The following CSMD3 variants were observed in gnomAD, a reference collection of about 807,000 sequenced individuals.
CSMD3 encodes CUB and sushi domain-containing protein 3.
A neutral mutation model predicts 435.2 loss-of-function variants in CSMD3; 177 were observed. The ratio of observed to expected loss-of-function variants is 0.41; its 90% CI spans 0.36 to 0.46. CSMD3 has a LOEUF of 0.46. Ranked by LOEUF, CSMD3 falls within the 20% of genes least tolerant of loss-of-function variation. The probability of loss-of-function intolerance (pLI) is 0.34; values close to 1 mark genes in which losing one functional copy is unlikely to be tolerated. For synonymous variants in CSMD3, 1,656 were observed against 1,520.5 expected, an observed-to-expected ratio of 1.09 and a Z score of -2.07; for missense variants, 4,265 against 4,504.6, an observed-to-expected ratio of 0.95 and a Z score of 1.52.
At chr8:113,066,349 T>C (rs2088858935) in intron 5 of CSMD3, among the ~76,000 whole-genome samples, 1 of 151,472 alleles carries the variant, frequency 6.6e-6, no homozygotes, top group Admixed American at 6.6e-5. Flanking sequence ...TTATGGAGTA[T>C]GAAGAGGAGA....
chr8:112,275,241 T>A (rs1294531196), intron 59 of CSMD3, among the ~76,000 whole-genome samples: 1 of 152,094 alleles, frequency 6.6e-6, no homozygotes, highest in African/African-American at 2.4e-5. Context: ...TGAGACTGGA[T>A]AATTTATAAA....
At chr8:112,297,234 C>G (rs540640833) in intron 53 of CSMD3, among the ~76,000 whole-genome samples, 1 of 139,036 alleles carries the variant, frequency 7.2e-6, no homozygotes, top group South Asian at 2.3e-4. Flanking sequence ...ATCATTAACC[C>G]CAATAGTAAA....
At chr8:112,985,096 G>T (rs190173956) in intron 6 of CSMD3, among the ~76,000 whole-genome samples, 1 of 151,940 alleles carries the variant, frequency 6.6e-6, no homozygotes, top group Admixed American at 6.6e-5. Context: ...AATAACCAGA[G>T]CAATGTGATA....
chr8:112,768,973 C>T lies in CSMD3; in HGVS notation c.1972+31189G>A, dbSNP rs77890059. On this transcript the variant is annotated intron_variant, in intron 13 of 70. Coordinates refer to ENST00000297405, the MANE Select transcript of CSMD3 (RefSeq NM_198123.2). ...AATGTTCAGCTATTTATTCACATAT[C>T]CAATTACCTACTCCATATGCTTGCT... 2.3e-3 allele frequency among the ~76,000 whole-genome samples: 353 copies of T among 151,992 alleles called. 1 individual carries two copies. Among genetic ancestry groups the T allele is most frequent in the Admixed American group, 4.8e-3 (73 of 15,230 alleles).
intron 2 of CSMD3, among the ~76,000 whole-genome samples, chr8:113,285,433 T>A: frequency 6.6e-6 from 1 of 152,086 alleles, no homozygotes; most frequent in East Asian, 1.9e-4. Flanking sequence ...GCTAAGTTTT[T>A]GTTTTTTAGT....
intron 32 of CSMD3, among the ~76,000 whole-genome samples, chr8:112,452,631 C>A (rs767146696): frequency 6.6e-6 from 1 of 152,154 alleles, no homozygotes; most frequent in Non-Finnish European, 1.5e-5. Flanking sequence ...AAGGAATTTT[C>A]AATGACAATT....
At chr8:113,380,453 A>G (rs903385226) in intron 1 of CSMD3, among the ~76,000 whole-genome samples, 4 of 152,132 alleles carry the variant, frequency 2.6e-5, no homozygotes, top group East Asian at 3.8e-4. Context: ...TTTCAAATTT[A>G]GAAAAAAAAG....
At chr8:112,562,336 T>C (rs190345802) in intron 24 of CSMD3, among the ~76,000 whole-genome samples, 1 of 151,752 alleles carries the variant, frequency 6.6e-6, no homozygotes, top group African/African-American at 2.4e-5. Flanking sequence ...TTAAATGTAA[T>C]AAAATATATT....
At chr8:112,606,672 T>C (rs1189082398) in intron 22 of CSMD3, among the ~76,000 whole-genome samples, 1 of 152,192 alleles carries the variant, frequency 6.6e-6, no homozygotes, top group Non-Finnish European at 1.5e-5. Flanking sequence ...TCAAGAAGAC[T>C]GAAGTTATAC....
intron 3 of CSMD3, among the ~76,000 whole-genome samples, chr8:113,223,892 C>G (rs899427388): frequency 4.0e-5 from 6 of 150,366 alleles, no homozygotes; most frequent in African/African-American, 1.5e-4. Flanking sequence ...TAATGGCAGG[C>G]AAGTATACAA....
At chr8:113,184,591 A>T (rs1443552124) in intron 3 of CSMD3, among the ~76,000 whole-genome samples, 1 of 152,080 alleles carries the variant, frequency 6.6e-6, no homozygotes, top group African/African-American at 2.4e-5. Flanking sequence ...TTGAACTCAG[A>T]TCCCTTACAT....
intron 5 of CSMD3, among the ~76,000 whole-genome samples, chr8:113,021,021 G>C (rs2131182293): frequency 6.6e-6 from 1 of 152,212 alleles, no homozygotes. Flanking sequence ...GTATTATTGT[G>C]TCTACTGGTG....
intron 13 of CSMD3, among the ~76,000 whole-genome samples, chr8:112,690,419 T>G (rs527366837): frequency 3.9e-4 from 60 of 152,100 alleles, no homozygotes; most frequent in African/African-American, 1.3e-3. Flanking sequence ...TCCCAAAGAC[T>G]TTTCTTATTC....
At chr8:113,344,385 C>A (rs1417892115) in intron 1 of CSMD3, among the ~76,000 whole-genome samples, 1 of 151,984 alleles carries the variant, frequency 6.6e-6, no homozygotes, top group Non-Finnish European at 1.5e-5. Context: ...TTTTCAGTAT[C>A]TTGTTTTGAC....
At chr8:112,647,081 TAACTC>T (rs771100869) in intron 19 of CSMD3, among the ~76,000 whole-genome samples, 130 of 142,958 alleles carry the variant, frequency 9.1e-4, no homozygotes, top group Middle Eastern at 3.5e-3. Flanking sequence ...AGTATAGAAA[TAACTC>T]AAACAGTCTA....
At chr8:112,552,806 GA>G (rs1827803571) in intron 25 of CSMD3, 86 bp from the exon 26 acceptor site, 1 of 1,192,886 alleles carries the variant, frequency 8.4e-7, no homozygotes, top group Non-Finnish European at 1.2e-6. Context: ...GTAGACAAAA[GA>G]ATACTGATTT....
chr8:112,790,482 T>C (rs1046782471), intron 13 of CSMD3, among the ~76,000 whole-genome samples: 2 of 151,022 alleles, frequency 1.3e-5, no homozygotes, highest in Non-Finnish European at 2.9e-5. Flanking sequence ...ACCATCAGGA[T>C]TAAGTGGTTG....
intron 6 of CSMD3, among the ~76,000 whole-genome samples, chr8:112,998,921 C>T (rs1398935768): frequency 1.3e-5 from 2 of 151,950 alleles, no homozygotes; most frequent in Admixed American, 6.6e-5. Flanking sequence ...TTCCTGAGGC[C>T]TCCCCAGCCA....
intron 1 of CSMD3, among the ~76,000 whole-genome samples, chr8:113,343,095 C>T (rs2094130787): frequency 6.6e-6 from 1 of 151,744 alleles, no homozygotes; most frequent in South Asian, 2.1e-4. Context: ...ACTGAGGGAG[C>T]AGGAGGAAGA....
Sources: allele counts gnomAD v4.1 joint callset (sites outside exome capture counted in the v4.1 genomes callset), GRCh38; gene constraint gnomAD v4.1.1; transcripts MANE v1.5; gene names NCBI Gene and HGNC (gene_info 2026-07-23, HGNC 2026-07-21).